GALNT10: variants seen among roughly 807,000 people sequenced by gnomAD.
GALNT10 encodes GalNAc transferase 10.
GALNT10 carries 41 observed loss-of-function variants against 75.0 expected under a neutral mutation model. The observed-to-expected ratio is 0.55, with a 90% CI of 0.43 to 0.71. The LOEUF (loss-of-function observed/expected upper bound fraction) is 0.71. Among genes scored for constraint, GALNT10 ranks in the 30% least tolerant of loss-of-function variants. GALNT10 has a pLI of 0.00. For synonymous variants in GALNT10, 302 were observed against 313.0 expected (o/e 0.96, Z 0.37); for missense variants, 727 against 818.5 (o/e 0.89, Z 1.36).
At chr5:154,208,328 C>T (rs1039536494) in intron 1 of GALNT10, among the ~76,000 whole-genome samples, 4 of 152,142 alleles carry the variant, frequency 2.6e-5, no homozygotes, top group Non-Finnish European at 4.4e-5. Flanking sequence ...GAAGGATTCA[C>T]GTTAGCCTTC....
intron 7 of GALNT10, among the ~76,000 whole-genome samples, chr5:154,399,491 C>T (rs1179674801): frequency 1.3e-5 from 2 of 152,256 alleles, no homozygotes; most frequent in African/African-American, 2.4e-5. Context: ...GGATCCAGCC[C>T]GAAAGAGATG....
chr5:154,228,113 G>T (rs760592144), intron 1 of GALNT10, among the ~76,000 whole-genome samples: 5 of 152,116 alleles, frequency 3.3e-5, no homozygotes, highest in Non-Finnish European at 5.9e-5. Flanking sequence ...AGCTTCCTGA[G>T]GCCTCCCTAG....
chr5:154,366,815 G>A (rs1302086463), intron 4 of GALNT10, among the ~76,000 whole-genome samples: 3 of 152,208 alleles, frequency 2.0e-5, no homozygotes, highest in Non-Finnish European at 4.4e-5. Context: ...ATAGTCCTGT[G>A]TATAAAACCC....
In GALNT10 at chr5:154,329,723, G is replaced by A. The variant is rs1754815686; in HGVS notation, c.553G>A (p.Asp185Asn). 6.2e-6 allele frequency: 10 copies of A among 1,612,990 alleles called. No individual in the cohort carries two copies. Among genetic ancestry groups the A allele is most frequent in the Non-Finnish European group, 8.5e-6 (10 of 1,179,158 alleles). ...ELVAEIVLVD[D>N]FSDREHLKKP... The stretch of plus-strand genomic sequence containing the variant: ...GGTCGCCGAGATTGTACTGGTCGAC[G>A]ACTTCAGTGATCGAGGTAGGATCCG... Residue 185 changes from aspartate to asparagine, a missense_variant, in exon 4 of 12, where the codon GAC (aspartate) becomes AAC (asparagine). Transcript: ENST00000297107.
chr5:154,315,929 A>G (rs1754589203), intron 3 of GALNT10, among the ~76,000 whole-genome samples: 1 of 152,234 alleles, frequency 6.6e-6, no homozygotes, highest in African/African-American at 2.4e-5. Flanking sequence ...CCATTTTATA[A>G]AGGAAGAAAC....
At chr5:154,371,563 TACACACACACACACACACACGTGTGC>T (rs904381139) in intron 4 of GALNT10, among the ~76,000 whole-genome samples, 9 of 50,970 alleles carry the variant, frequency 1.8e-4, no homozygotes, top group African/African-American at 5.1e-4. Flanking sequence ...TGTGTGTGTG[TACACACACACACACACACACGTGTGC>T]ACACACTCAG....
At chr5:154,313,508 T>C (rs182743009) in intron 3 of GALNT10, among the ~76,000 whole-genome samples, 249 of 152,236 alleles carry the variant, frequency 1.6e-3, no homozygotes, top group African/African-American at 5.7e-3. Flanking sequence ...AGGTTTATAA[T>C]TAACAATATG....
At chr5:154,222,176 T>C (rs1254248540) in intron 1 of GALNT10, among the ~76,000 whole-genome samples, 3 of 152,052 alleles carry the variant, frequency 2.0e-5, no homozygotes, top group African/African-American at 7.2e-5. Flanking sequence ...TCTGGATGAG[T>C]TTACATTTTC....
rs200640486 is a variant in GALNT10 at position 154,329,720 on chromosome 5, G to A, written c.550G>A (p.Asp184Asn). The change falls in exon 4 of 12, where the codon GAC becomes AAC. Residue 184 changes from aspartate (D) to asparagine (N), a missense_variant. Physicochemically the swap from Asp to Asn is conservative, Grantham distance 23 (BLOSUM62 1). Coordinates refer to ENST00000297107, the MANE Select transcript of GALNT10 (RefSeq NM_198321.4). ...GCTGGTCGCCGAGATTGTACTGGTCGACGACTTCAGTGATCGAGGTAGGAT... is the reference window on the plus strand; with the variant it reads ...GCTGGTCGCCGAGATTGTACTGGTCAACGACTTCAGTGATCGAGGTAGGAT... ...PELVAEIVLVDDFSDREHLKK... is the reference protein window; with the variant it reads ...PELVAEIVLVNDFSDREHLKK... 5.0e-6 allele frequency: 8 copies of A among 1,613,182 alleles called. No individual in the cohort carries two copies. The highest frequency in any genetic ancestry group is 5.9e-6 in the Non-Finnish European group (7 of 1,179,322).
intron 5 of GALNT10, among the ~76,000 whole-genome samples, chr5:154,379,535 G>A (rs1755703070): frequency 6.6e-6 from 1 of 152,200 alleles, no homozygotes; most frequent in Non-Finnish European, 1.5e-5. Context: ...ATTGAGCACA[G>A]CCCACTTGTC....
At chr5:154,361,256 A>C (rs114966303) in intron 4 of GALNT10, among the ~76,000 whole-genome samples, 1 of 152,148 alleles carries the variant, frequency 6.6e-6, no homozygotes, top group South Asian at 2.1e-4. Context: ...AGGAAAGCAC[A>C]GTAGTTAGGA....
chr5:154,239,606 C>T (rs893686197), intron 1 of GALNT10, among the ~76,000 whole-genome samples: 17 of 151,948 alleles, frequency 1.1e-4, no homozygotes, highest in African/African-American at 2.2e-4. Flanking sequence ...TTCCACAAAA[C>T]GAGTCCCTGT....
intron 1 of GALNT10, among the ~76,000 whole-genome samples, chr5:154,220,999 G>A (rs1048416292): frequency 2.0e-4 from 31 of 152,194 alleles, no homozygotes; most frequent in African/African-American, 7.2e-4. Context: ...ATCTGTGCCT[G>A]CAGGGTCTTG....
rs373628709 is a variant in GALNT10 at position 154,330,149 on chromosome 5, A to G, written c.568+411A>G. Among the ~76,000 whole-genome samples, 3 of 152,214 alleles carry G rather than the reference A, an allele frequency of 2.0e-5. No homozygotes were observed. In the South Asian group the frequency reaches 6.2e-4, roughly 31 times the overall value. ...TCTTTGTTTCTGCTTCCTCATCCTCATGGTCACAAAATGGTACCTCTGGCA... is the reference window on the plus strand; with the variant it reads ...TCTTTGTTTCTGCTTCCTCATCCTCGTGGTCACAAAATGGTACCTCTGGCA... On this transcript the variant is annotated intron_variant, in intron 4 of 11. Transcript: ENST00000297107.
intron 2 of GALNT10, among the ~76,000 whole-genome samples, chr5:154,297,007 G>A (rs1051691351): frequency 1.3e-4 from 20 of 152,228 alleles, no homozygotes; most frequent in African/African-American, 4.8e-4. Flanking sequence ...GTAAATAGGT[G>A]TTGCTCAGTC....
At chr5:154,310,844 G>A (rs983886334) in intron 3 of GALNT10, among the ~76,000 whole-genome samples, 13 of 152,124 alleles carry the variant, frequency 8.5e-5, no homozygotes, top group Admixed American at 8.5e-4. Context: ...TCTGAACAGT[G>A]GTGTTTCTTC....
chr5:154,280,604 A>G (rs1754025867), intron 1 of GALNT10, among the ~76,000 whole-genome samples: 1 of 152,218 alleles, frequency 6.6e-6, no homozygotes, highest in South Asian at 2.1e-4. Context: ...CTCCCAGTTC[A>G]TGGCTTGTCC....
intron 1 of GALNT10, among the ~76,000 whole-genome samples, chr5:154,236,326 A>G (rs7706903): frequency 0.61 from 92,727 of 152,114 alleles, 29,382 homozygotes; most frequent in East Asian, 0.84. Flanking sequence ...TCAGTGCCTG[A>G]CCCAATGCAT....
chr5:154,263,384 A>G (rs1405816233), intron 1 of GALNT10, among the ~76,000 whole-genome samples: 1 of 152,210 alleles, frequency 6.6e-6, no homozygotes. Context: ...ACTACGTGAA[A>G]GAAGCCAGAC....
Sources: gnomAD v4.1 joint callset for allele counts (sites outside exome capture counted in the v4.1 genomes callset) on GRCh38, gnomAD v4.1.1 for gene constraint, MANE v1.5 for transcripts, NCBI Gene and HGNC (gene_info 2026-07-23, HGNC 2026-07-21) for gene names.